PPP2CA: variants seen among roughly 807,000 people sequenced by gnomAD.
The protein encoded by PPP2CA is serine/threonine-protein phosphatase 2A catalytic subunit alpha isoform.
In PPP2CA, 5 loss-of-function variants were observed where a neutral mutation model predicts 38.8. The ratio of observed to expected loss-of-function variants is 0.13; its 90% CI spans 0.07 to 0.27. The LOEUF is 0.27. PPP2CA is among the 10% of genes least tolerant of loss of function. The pLI is 1.00. For missense variants in PPP2CA, 88 were observed against 389.7 expected (o/e 0.23, Z 6.52); for synonymous variants, 152 against 134.0 (o/e 1.13, Z -0.93).
intron 1 of PPP2CA, among the ~76,000 whole-genome samples, chr5:134,209,818 C>A (rs925977879): frequency 5.3e-5 from 8 of 151,806 alleles, no homozygotes; most frequent in African/African-American, 1.7e-4. Flanking sequence ...CGGCTCATGC[C>A]TGTAATCCCA....
At chr5:134,211,207 T>C (rs1372782865) in intron 1 of PPP2CA, among the ~76,000 whole-genome samples, 2 of 152,032 alleles carry the variant, frequency 1.3e-5, no homozygotes, top group African/African-American at 4.8e-5. Context: ...CCTCCCACCT[T>C]AGTCTCCCGA....
intron 1 of PPP2CA, among the ~76,000 whole-genome samples, chr5:134,219,604 A>T (rs999426357): frequency 7.9e-5 from 12 of 152,228 alleles, no homozygotes; most frequent in African/African-American, 2.2e-4. Context: ...CATTTAGTTT[A>T]AAAAATACCC....
intron 1 of PPP2CA, among the ~76,000 whole-genome samples, chr5:134,206,666 CT>C (rs1204999711): frequency 6.6e-6 from 1 of 152,130 alleles, no homozygotes; most frequent in Non-Finnish European, 1.5e-5. Context: ...TTTTCACAAA[CT>C]TTTTTGTAGA....
intron 1 of PPP2CA, among the ~76,000 whole-genome samples, chr5:134,218,678 T>TC (rs996284904): frequency 3.3e-5 from 5 of 151,324 alleles, no homozygotes; most frequent in Admixed American, 2.0e-4. Flanking sequence ...TCTTTTTTTT[T>TC]TTTTTCTTTT....
At chr5:134,220,838 A>G (rs1417213381) in intron 1 of PPP2CA, among the ~76,000 whole-genome samples, 1 of 152,218 alleles carries the variant, frequency 6.6e-6, no homozygotes, top group East Asian at 1.9e-4. Context: ...GTTATCCCAC[A>G]TACTCCTGAA....
chr5:134,207,130 G>A (rs928235197), intron 1 of PPP2CA, among the ~76,000 whole-genome samples: 6 of 152,316 alleles, frequency 3.9e-5, no homozygotes, highest in Admixed American at 6.5e-5. Flanking sequence ...CCAGCCAGGC[G>A]CGGTGGCTCG....
At chr5:134,199,322 A>G (rs1373487252) in intron 5 of PPP2CA, 118 bp from the exon 6 acceptor site, 1 of 714,866 alleles carries the variant, frequency 1.4e-6, no homozygotes, top group African/African-American at 1.8e-5. Flanking sequence ...GGGCTTAAGA[A>G]ATGTTAATGC....
At position 134,200,900 on chromosome 5, in the gene PPP2CA, G is replaced by A. The variant is rs528040763; in HGVS notation, c.576+85C>T. The A allele has an allele frequency of 1.6e-4, 175 of 1,110,470 alleles. No individual in the cohort carries two copies. The South Asian group carries it at 1.7e-3, about 11-fold the overall frequency. The allele number at this position is 1,110,470 out of a possible 1,614,324, so 68.8% of individuals were successfully genotyped here. On this transcript the variant is annotated intron_variant, in intron 4 of 6. Coordinates refer to ENST00000481195, the MANE Select transcript of PPP2CA (RefSeq NM_002715.4). Reference sequence around the variant, plus strand: ...CAAGTTGTTTTTGAGAATTATATGAGAGAATACATCTAATGAACTTACAAT... The same window carrying A: ...CAAGTTGTTTTTGAGAATTATATGAAAGAATACATCTAATGAACTTACAAT...
At chr5:134,210,443 A>G (rs1338501089) in intron 1 of PPP2CA, among the ~76,000 whole-genome samples, 1 of 152,226 alleles carries the variant, frequency 6.6e-6, no homozygotes, top group African/African-American at 2.4e-5. Context: ...AAAGCAAAAC[A>G]CGCATACCAA....
At chr5:134,204,937 A>ATTTT (rs5871527) in intron 2 of PPP2CA, among the ~76,000 whole-genome samples, 2 of 138,706 alleles carry the variant, frequency 1.4e-5, no homozygotes, top group African/African-American at 5.4e-5. Flanking sequence ...CTTCCTCGAT[A>ATTTT]TTTTTTTTTT....
At chr5:134,200,584 C>G (rs1761949131) in intron 4 of PPP2CA, 88 bp from the exon 5 acceptor site, 4 of 1,423,546 alleles carry the variant, frequency 2.8e-6, no homozygotes, top group Non-Finnish European at 3.8e-6. Context: ...GCACCCTAAG[C>G]CACCCTTTTT....
intron 3 of PPP2CA, among the ~76,000 whole-genome samples, chr5:134,201,337 A>C (rs1761962988): frequency 6.6e-6 from 1 of 152,192 alleles, no homozygotes; most frequent in African/African-American, 2.4e-5. Flanking sequence ...TTGACTTTGC[A>C]GGGTTCATCT....
chr5:134,208,999 A>T (rs925098539), intron 1 of PPP2CA, among the ~76,000 whole-genome samples: 3 of 152,206 alleles, frequency 2.0e-5, no homozygotes, highest in African/African-American at 7.2e-5. Flanking sequence ...TCTCCTCTGT[A>T]TACATATGCA....
At chr5:134,222,563 A>G (rs1239629653) in intron 1 of PPP2CA, among the ~76,000 whole-genome samples, 1 of 152,230 alleles carries the variant, frequency 6.6e-6, no homozygotes, top group Admixed American at 6.5e-5. Context: ...TCTGGCTATC[A>G]AACAACGTTC....
At chr5:134,213,246 C>T (rs995316186) in intron 1 of PPP2CA, among the ~76,000 whole-genome samples, 1 of 152,188 alleles carries the variant, frequency 6.6e-6, no homozygotes, top group African/African-American at 2.4e-5. Context: ...GAAGCCAAGG[C>T]TCATTCAACA....
At chr5:134,202,827 T>C (rs966827564) in intron 2 of PPP2CA, among the ~76,000 whole-genome samples, 1 of 152,236 alleles carries the variant, frequency 6.6e-6, no homozygotes, top group Non-Finnish European at 1.5e-5. Flanking sequence ...AGCTAGACCA[T>C]GTTATATTCC....
intron 5 of PPP2CA, 107 bp downstream of exon 5, chr5:134,200,228 G>T: frequency 8.1e-7 from 1 of 1,241,432 alleles, no homozygotes; most frequent in South Asian, 1.7e-5. Flanking sequence ...CTCATCAGAA[G>T]GAATAGATGG....
chr5:134,200,937 A>C, intron 4 of PPP2CA, 48 bp downstream of exon 4: 2 of 1,416,734 alleles, frequency 1.4e-6, no homozygotes, highest in Non-Finnish European at 2.0e-6. Context: ...AAACTTCTCC[A>C]CTCCCTAATA....
intron 1 of PPP2CA, among the ~76,000 whole-genome samples, chr5:134,209,886 A>T (rs902230950): frequency 2.0e-5 from 3 of 152,172 alleles, no homozygotes; most frequent in Admixed American, 6.5e-5. Context: ...AGCCTGGGCA[A>T]CAACATATTG....
Sources: allele counts gnomAD v4.1 joint callset (sites outside exome capture counted in the v4.1 genomes callset), GRCh38; gene constraint gnomAD v4.1.1; transcripts MANE v1.5; gene names NCBI Gene and HGNC (gene_info 2026-07-23, HGNC 2026-07-21).